The following DLG2 variants were observed in gnomAD, a reference collection of about 807,000 sequenced individuals.
The protein encoded by DLG2 is discs large MAGUK scaffold protein 2.
In DLG2, 45 loss-of-function variants were observed where a neutral mutation model predicts 132.5. The observed-to-expected ratio is 0.34, with a 90% CI of 0.27 to 0.44. DLG2 has a LOEUF of 0.44. DLG2 is among the 20% of genes least tolerant of loss of function. DLG2 has a pLI of 1.00. For synonymous variants in DLG2, 424 were observed against 419.6 expected, an observed-to-expected ratio of 1.01 and a Z score of -0.13; for missense variants, 1,045 against 1,196.9, an observed-to-expected ratio of 0.87 and a Z score of 1.87.
At chr11:85,290,422 C>A (rs1218893117) in intron 3 of DLG2, among the ~76,000 whole-genome samples, 2 of 151,922 alleles carry the variant, frequency 1.3e-5, no homozygotes, top group Non-Finnish European at 1.5e-5. Flanking sequence ...GGCTTCTGAT[C>A]CACTAGCAAC....
At chr11:84,122,657 GT>G (rs2093984087) in intron 9 of DLG2, among the ~76,000 whole-genome samples, 1 of 152,206 alleles carries the variant, frequency 6.6e-6, no homozygotes, top group Non-Finnish European at 1.5e-5. Flanking sequence ...GGCTTAAAAA[GT>G]GTTTATAAGC....
At chr11:84,206,675 C>T (rs529908857) in intron 8 of DLG2, among the ~76,000 whole-genome samples, 1 of 152,036 alleles carries the variant, frequency 6.6e-6, no homozygotes, top group African/African-American at 2.4e-5. Flanking sequence ...GAAAAATAAT[C>T]GGACAGTATC....
chr11:83,776,092 AAAAATAAATAAATAAAT>A (rs1322097334), intron 18 of DLG2, among the ~76,000 whole-genome samples: 2 of 151,732 alleles, frequency 1.3e-5, no homozygotes, highest in East Asian at 1.9e-4. Context: ...ACTCTGTCTC[AAAAATAAATAAATAAAT>A]AAAATAAATA....
At chr11:83,898,583 T>C (rs1333083565) in intron 15 of DLG2, among the ~76,000 whole-genome samples, 2 of 152,120 alleles carry the variant, frequency 1.3e-5, no homozygotes, top group Admixed American at 6.5e-5. Flanking sequence ...CATTTTTCTA[T>C]TATTACTTTC....
chr11:83,484,050 G>A (rs1486318044), intron 22 of DLG2, 79 bp downstream of exon 22: 3 of 1,158,090 alleles, frequency 2.6e-6, no homozygotes, highest in Non-Finnish European at 2.6e-6. Context: ...TGGCGTGGGA[G>A]AGCCTACATC....
intron 4 of DLG2, among the ~76,000 whole-genome samples, chr11:85,190,849 G>A (rs1291757026): frequency 2.0e-5 from 3 of 152,240 alleles, no homozygotes; most frequent in East Asian, 3.9e-4. Flanking sequence ...TAAAAATTCA[G>A]AAAATGACAG....
chr11:83,952,955 A>T (rs570099950), intron 14 of DLG2, among the ~76,000 whole-genome samples: 1 of 152,320 alleles, frequency 6.6e-6, no homozygotes, highest in East Asian at 1.9e-4. Flanking sequence ...GTAGATCAGT[A>T]GGTAATAAAA....
At position 84,386,289 on chromosome 11, in the gene DLG2, A is replaced by T. The variant is rs546238595; in HGVS notation, c.520-134998T>A. 1.0e-3 allele frequency among the ~76,000 whole-genome samples: 158 copies of T among 152,176 alleles called. 1 individual carries two copies. In the South Asian group the frequency reaches 0.014, roughly 13 times the overall value. On this transcript the variant is annotated intron_variant, in intron 7 of 27. Coordinates refer to ENST00000376104, the MANE Select transcript of DLG2 (RefSeq NM_001142699.3). ...CTTTAGTATCTATTGATTTCTATAC[A>T]TGAAAAATGAAGATTTAGTTACTCA...
chr11:83,812,553 C>A (rs2047592982), intron 17 of DLG2, among the ~76,000 whole-genome samples: 1 of 152,196 alleles, frequency 6.6e-6, no homozygotes, highest in South Asian at 2.1e-4. Flanking sequence ...TTCTGAAATT[C>A]TTTCCTCATA....
chr11:84,048,802 T>C (rs185874498), intron 11 of DLG2, among the ~76,000 whole-genome samples: 17 of 151,676 alleles, frequency 1.1e-4, no homozygotes, highest in Non-Finnish European at 2.2e-4. Context: ...CTCCAAGTTA[T>C]TATGGTTACA....
At chr11:83,645,801 A>C (rs1264740909) in intron 18 of DLG2, 2 of 152,130 alleles carry the variant, frequency 1.3e-5, no homozygotes, top group African/African-American at 4.8e-5. Context: ...GGATGACTGA[A>C]GCCCGATTCT....
At chr11:84,868,431 A>G (rs576568363) in intron 6 of DLG2, among the ~76,000 whole-genome samples, 131 of 152,308 alleles carry the variant, frequency 8.6e-4, no homozygotes, top group Middle Eastern at 3.4e-3. Flanking sequence ...AGATAGTTCC[A>G]AAACAAACAA....
intron 6 of DLG2, among the ~76,000 whole-genome samples, chr11:84,991,440 A>AG (rs199739189): frequency 0.017 from 2,424 of 146,860 alleles, 29 homozygotes; most frequent in Non-Finnish European, 0.026. Flanking sequence ...CCCCAGAAGG[A>AG]GGAGGTTGCA....
intron 18 of DLG2, among the ~76,000 whole-genome samples, chr11:83,730,361 T>A (rs1206817794): frequency 6.6e-6 from 1 of 152,154 alleles, no homozygotes; most frequent in Non-Finnish European, 1.5e-5. Flanking sequence ...ATATTTCAAA[T>A]TTTAAGAACA....
intron 18 of DLG2, among the ~76,000 whole-genome samples, chr11:83,639,501 G>A (rs577265406): frequency 1.6e-4 from 24 of 150,940 alleles, no homozygotes; most frequent in Non-Finnish European, 3.1e-4. Context: ...GCAAACTATC[G>A]CAAGGACAAA....
intron 7 of DLG2, among the ~76,000 whole-genome samples, chr11:84,448,134 T>A (rs2099040954): frequency 6.6e-6 from 1 of 152,080 alleles, no homozygotes; most frequent in African/African-American, 2.4e-5. Flanking sequence ...ACACAGACAT[T>A]TAAACACCAC....
chr11:85,166,434 A>G (rs1401912869), intron 4 of DLG2, among the ~76,000 whole-genome samples: 4 of 152,030 alleles, frequency 2.6e-5, no homozygotes, highest in Non-Finnish European at 4.4e-5. Flanking sequence ...TTCAGAACCC[A>G]ATTTGGCTAC....
intron 7 of DLG2, among the ~76,000 whole-genome samples, chr11:84,331,663 A>T (rs2098460012): frequency 6.6e-6 from 1 of 151,880 alleles, no homozygotes; most frequent in Non-Finnish European, 1.5e-5. Context: ...GTTGGTGAGA[A>T]GGCCAAGCAG....
chr11:84,065,284 C>T (rs1297569877), intron 10 of DLG2, among the ~76,000 whole-genome samples: 1 of 152,050 alleles, frequency 6.6e-6, no homozygotes, highest in African/African-American at 2.4e-5. Flanking sequence ...AAACAGACAA[C>T]CTACAGAATG....
Sources: gnomAD v4.1 joint callset for allele counts (sites outside exome capture counted in the v4.1 genomes callset) on GRCh38, gnomAD v4.1.1 for gene constraint, MANE v1.5 for transcripts, NCBI Gene and HGNC (gene_info 2026-07-23, HGNC 2026-07-21) for gene names.